Variants in BBS9 observed in about 807,000 individuals in gnomAD.
BBS9 encodes Bardet-Biedl syndrome 9.
BBS9 carries 89 observed loss-of-function variants against 117.7 expected under a neutral mutation model. The ratio of observed to expected loss-of-function variants is 0.76; its 90% CI spans 0.64 to 0.90. The LOEUF is 0.90. Ranked by LOEUF, BBS9 falls within the 40% of genes least tolerant of loss-of-function variation. The pLI, the probability that BBS9 is intolerant of heterozygous loss-of-function variation, is 0.00. For missense variants in BBS9, 982 were observed against 1,042.2 expected (o/e 0.94, Z 0.80); for synonymous variants, 379 against 370.9 (o/e 1.02, Z -0.25).
intron 6 of BBS9, among the ~76,000 whole-genome samples, chr7:33,261,734 T>G (rs1798011410): frequency 1.3e-5 from 2 of 152,338 alleles, no homozygotes; most frequent in Admixed American, 6.5e-5. Flanking sequence ...TTGAGTTTGT[T>G]ATTGGTGCAC....
chr7:33,561,257 ATTC>A (rs1243701917), intron 21 of BBS9, among the ~76,000 whole-genome samples: 22 of 152,278 alleles, frequency 1.4e-4, no homozygotes, highest in African/African-American at 4.8e-4. Flanking sequence ...ATTGTCCAAT[ATTC>A]TTCTCTCTCC....
intron 20 of BBS9, among the ~76,000 whole-genome samples, chr7:33,522,037 A>C (rs1848698084): frequency 6.6e-6 from 1 of 151,366 alleles, no homozygotes; most frequent in South Asian, 2.1e-4. Flanking sequence ...GAGAATGATG[A>C]TTTCCAATTT....
chr7:33,528,078 A>G (rs975555417), intron 20 of BBS9, among the ~76,000 whole-genome samples: 3 of 152,370 alleles, frequency 2.0e-5, no homozygotes, highest in African/African-American at 7.2e-5. Flanking sequence ...ACAAAGTAAT[A>G]ACCATAATCT....
intron 5 of BBS9, among the ~76,000 whole-genome samples, chr7:33,192,766 C>T (rs2128194732): frequency 6.6e-6 from 1 of 152,318 alleles, no homozygotes; most frequent in Non-Finnish European, 1.5e-5. Flanking sequence ...GTTCAGTGTG[C>T]AGCTAGGGCC....
At chr7:33,619,261 T>C (rs1865290848) in intron 21 of BBS9, among the ~76,000 whole-genome samples, 2 of 152,102 alleles carry the variant, frequency 1.3e-5, no homozygotes, top group South Asian at 4.1e-4. Context: ...AACAAAGATA[T>C]ATATAATTAT....
chr7:33,168,284 C>T (rs1795997843), intron 4 of BBS9, among the ~76,000 whole-genome samples: 1 of 152,016 alleles, frequency 6.6e-6, no homozygotes, highest in Admixed American at 6.6e-5. Context: ...TCACAGGTCA[C>T]CATAAAATAA....
intron 5 of BBS9, among the ~76,000 whole-genome samples, chr7:33,238,087 A>C (rs1793829673): frequency 1.3e-5 from 2 of 152,226 alleles, no homozygotes; most frequent in Admixed American, 1.3e-4. Context: ...TTTTGGAAAG[A>C]GGGATATAAA....
intron 7 of BBS9, among the ~76,000 whole-genome samples, chr7:33,272,751 CAGAT>C (rs1453669239): frequency 6.6e-6 from 1 of 151,858 alleles, no homozygotes; most frequent in African/African-American, 2.4e-5. Context: ...TTTAGGGAAG[CAGAT>C]AAGTGTTTTA....
chr7:33,149,600 A>G (rs1792984236), intron 2 of BBS9, among the ~76,000 whole-genome samples: 1 of 152,206 alleles, frequency 6.6e-6, no homozygotes, highest in Non-Finnish European at 1.5e-5. Context: ...TACAATTTAG[A>G]TTACATGCCA....
chr7:33,430,812 G>A (rs540911657), intron 19 of BBS9, among the ~76,000 whole-genome samples: 55 of 152,316 alleles, frequency 3.6e-4, no homozygotes, highest in African/African-American at 1.3e-3. Context: ...CTTGTTGGCT[G>A]TTTGCACACT....
In BBS9 at chr7:33,481,896, A is replaced by G. The variant is rs139936370; in HGVS notation, c.2116-23567A>G. The stretch of plus-strand genomic sequence containing the variant: ...GGTCTGATTTTAAGGTTTCAAGCCA[A>G]TTGGCATAATTAATAGCAAATTGGG... On this transcript the variant is annotated intron_variant, in intron 19 of 22. Coordinates refer to ENST00000242067, the MANE Select transcript of BBS9 (RefSeq NM_198428.3). Among the ~76,000 whole-genome samples, 144 of 152,324 alleles carry G rather than the reference A, an allele frequency of 9.5e-4. 1 individual carries two copies. The highest frequency in any genetic ancestry group is 3.4e-3 in the African/African-American group (140 of 41,584).
chr7:33,246,392 T>G (rs1015733995), intron 5 of BBS9, among the ~76,000 whole-genome samples: 7 of 152,066 alleles, frequency 4.6e-5, no homozygotes, highest in African/African-American at 1.7e-4. Flanking sequence ...ATGCTAATGA[T>G]TTAAGATTAA....
chr7:33,383,760 A>G lies in BBS9; in HGVS notation c.1884A>G (p.Gly628=). The G allele has an allele frequency of 3.1e-6, 5 of 1,613,024 alleles. No homozygotes were observed. The highest frequency in any genetic ancestry group is 4.2e-6 in the Non-Finnish European group (5 of 1,179,732). The change falls in exon 18 of 23, where the codon GGA becomes GGG. Residue 628 remains glycine, a synonymous_variant. Transcript: ENST00000242067. ...LRLQEYFEKQ[G]VKDFACSFSG... ...TTCAAGAATATTTTGAAAAACAGGGAGTCAAAGATTTTGCATGTTCTTTTT... is the reference window on the plus strand; with the variant it reads ...TTCAAGAATATTTTGAAAAACAGGGGGTCAAAGATTTTGCATGTTCTTTTT...
At chr7:33,481,960 A>G (rs369791477) in intron 19 of BBS9, among the ~76,000 whole-genome samples, 1 of 152,200 alleles carries the variant, frequency 6.6e-6, no homozygotes, top group Admixed American at 6.5e-5. Flanking sequence ...TTTTCATGGG[A>G]AAATTGGCTT....
intron 20 of BBS9, among the ~76,000 whole-genome samples, chr7:33,527,203 TTGTC>T (rs1227644553): frequency 2.0e-5 from 3 of 152,192 alleles, no homozygotes; most frequent in African/African-American, 7.2e-5. Context: ...GTCTTTTTGT[TTGTC>T]TGTGCCCTGC....
intron 5 of BBS9, among the ~76,000 whole-genome samples, chr7:33,223,384 C>T (rs1790640258): frequency 6.6e-6 from 1 of 152,152 alleles, no homozygotes; most frequent in Admixed American, 6.5e-5. Context: ...CCATGCTGTA[C>T]AGTATATCTT....
intron 21 of BBS9, among the ~76,000 whole-genome samples, chr7:33,537,295 G>A (rs867193128): frequency 1.3e-5 from 2 of 152,098 alleles, no homozygotes; most frequent in South Asian, 2.1e-4. Context: ...TTGCTCTAGC[G>A]AAGGCCATGG....
At chr7:33,141,967 G>A (rs540773476) in intron 1 of BBS9, among the ~76,000 whole-genome samples, 5 of 149,956 alleles carry the variant, frequency 3.3e-5, no homozygotes, top group Admixed American at 6.7e-5. Context: ...ATGGAGTCTC[G>A]CTCTTTTGCC....
downstream of BBS9, among the ~76,000 whole-genome samples, chr7:33,610,618 A>ATCACCTCTT (rs1232405139): frequency 2.6e-5 from 4 of 152,088 alleles, no homozygotes; most frequent in Non-Finnish European, 4.4e-5. Context: ...CCATGGCCTA[A>ATCACCTCTT]TCACCTCTTA....
Sources: gnomAD v4.1 joint callset for allele counts (sites outside exome capture counted in the v4.1 genomes callset) on GRCh38, gnomAD v4.1.1 for gene constraint, MANE v1.5 for transcripts, NCBI Gene and HGNC (gene_info 2026-07-23, HGNC 2026-07-21) for gene names.